ADCY8: variants seen among roughly 807,000 people sequenced by gnomAD.
ADCY8 encodes the protein adenylate cyclase type 8.
ADCY8 carries 51 observed loss-of-function variants against 119.7 expected under a neutral mutation model. That is an observed-to-expected ratio of 0.43 (90% CI 0.34 to 0.54). The LOEUF is 0.54. Ranked by LOEUF, ADCY8 falls within the 20% of genes least tolerant of loss-of-function variation. ADCY8 has a pLI of 0.03. For synonymous variants in ADCY8, 665 were observed against 651.0 expected (o/e 1.02, Z -0.33); for missense variants, 1,383 against 1,598.8 (o/e 0.87, Z 2.30).
At position 131,040,323 on chromosome 8, in the gene ADCY8, G is replaced by T; in HGVS notation, c.11C>A (p.Ser4Tyr). 1.3e-6 allele frequency: 2 copies of T among 1,528,348 alleles called. No homozygotes were observed. Among genetic ancestry groups the T allele is most frequent in the Non-Finnish European group, 8.8e-7 (1 of 1,142,160 alleles). 94.7% of individuals were successfully genotyped at this position (1,528,348 alleles called of 1,614,324 possible). A position where few individuals can be genotyped will look rare whatever the true frequency, so the allele number is the denominator to read the frequency against. MEL[S>Y]DVRCLTGSEE... ...GCTGCCTGTAAGGCAGCGCACATCG[G>T]AGAGCTCCATGGCTCTGGGCCGCAG... is the stretch of plus-strand genomic sequence containing the variant. Residue 4 changes from serine to tyrosine, a missense_variant, in exon 1 of 18, where the codon TCC (serine) becomes TAC (tyrosine). By Grantham distance (144) the Ser-to-Tyr change is moderately radical. This residue lies in a region of ADCY8 where 455 missense variants were observed against 435.3 expected (regional missense o/e 1.05). Coordinates refer to ENST00000286355, the MANE Select transcript of ADCY8 (RefSeq NM_001115.3).
rs1816354542 is a variant in ADCY8, at chr8:130,816,607, A to G, written c.2755-2380T>C. ...CGCCCAGCTAATTTTTTGTATTTTT[A>G]GTAGAGACAGGGTTTCACCGTGTTA... On this transcript the variant is annotated intron_variant, in intron 13 of 17. Transcript: ENST00000286355. Among the ~76,000 whole-genome samples, 5 of 151,686 alleles carry G rather than the reference A, an allele frequency of 3.3e-5. No homozygotes were observed. In the South Asian group the frequency reaches 1.0e-3, roughly 32 times the overall value.
At chr8:130,839,723 T>G (rs1817083959) in intron 11 of ADCY8, among the ~76,000 whole-genome samples, 1 of 140,270 alleles carries the variant, frequency 7.1e-6, no homozygotes, top group African/African-American at 2.4e-5. Context: ...CCACAGCTCC[T>G]AAAGTGTCCC....
Position 131,028,288 on chromosome 8 carries a change from T to C in ADCY8, c.960+11086A>G, listed in dbSNP as rs150499812. ...CAGCTTCTCTCTGGCTGAGATGGCT[T>C]GGGCAGGGCCCAAAGAGCTGCGTAT... On this transcript the variant is annotated intron_variant, in intron 1 of 17. Coordinates refer to ENST00000286355, the MANE Select transcript of ADCY8 (RefSeq NM_001115.3). 5.0e-3 allele frequency among the ~76,000 whole-genome samples: 759 copies of C among 152,370 alleles called. 7 individuals carry two copies. Among genetic ancestry groups the C allele is most frequent in the African/African-American group, 0.017 (715 of 41,594 alleles).
chr8:130,807,089 C>T (rs1051419305), intron 14 of ADCY8, among the ~76,000 whole-genome samples: 4 of 152,196 alleles, frequency 2.6e-5, no homozygotes, highest in Non-Finnish European at 5.9e-5. Flanking sequence ...TCTGGTTGGT[C>T]GAAGGTATGG....
chr8:130,927,378 G>T (rs1030493231), intron 5 of ADCY8, among the ~76,000 whole-genome samples: 1 of 152,050 alleles, frequency 6.6e-6, no homozygotes, highest in Non-Finnish European at 1.5e-5. Flanking sequence ...ATACCTGTTG[G>T]CTTGTATACC....
chr8:131,020,833 T>C (rs1013341822), intron 1 of ADCY8, among the ~76,000 whole-genome samples: 15 of 152,192 alleles, frequency 9.9e-5, no homozygotes, highest in African/African-American at 3.4e-4. Context: ...AAGGTATCAG[T>C]TTCTTCCCTT....
chr8:131,013,653 G>A (rs1586656353), intron 1 of ADCY8, among the ~76,000 whole-genome samples: 1 of 152,288 alleles, frequency 6.6e-6, no homozygotes, highest in East Asian at 1.9e-4. Flanking sequence ...TTTGGTGTGA[G>A]CATGAAGGGT....
chr8:130,846,556 A>C (rs149347116), intron 11 of ADCY8, among the ~76,000 whole-genome samples: 3,189 of 92,252 alleles, frequency 0.035, 71 homozygotes, highest in Non-Finnish European at 0.045. Context: ...TCATTCCTTC[A>C]TTCCTTCCTT....
At chr8:130,933,199 C>T (rs1820685605) in intron 5 of ADCY8, among the ~76,000 whole-genome samples, 1 of 120,296 alleles carries the variant, frequency 8.3e-6, no homozygotes, top group Non-Finnish European at 1.7e-5. Context: ...CACCAGTAAA[C>T]AAATGTTATA....
chr8:130,822,559 C>T (rs187953223), intron 12 of ADCY8, among the ~76,000 whole-genome samples: 4 of 150,810 alleles, frequency 2.7e-5, no homozygotes, highest in African/African-American at 9.7e-5. Flanking sequence ...TCCATCCATC[C>T]ATCCATCCAT....
At chr8:130,981,545 G>A (rs909232056) in intron 2 of ADCY8, among the ~76,000 whole-genome samples, 1 of 152,136 alleles carries the variant, frequency 6.6e-6, no homozygotes, top group South Asian at 2.1e-4. Context: ...CCCCCACAGA[G>A]TTCTTCAGTG....
At chr8:131,020,901 GC>G (rs1823645292) in intron 1 of ADCY8, among the ~76,000 whole-genome samples, 1 of 152,088 alleles carries the variant, frequency 6.6e-6, no homozygotes, top group African/African-American at 2.4e-5. Flanking sequence ...TTTATTATGT[GC>G]TATAAATTAT....
intron 1 of ADCY8, among the ~76,000 whole-genome samples, chr8:131,025,779 C>G (rs1823804478): frequency 1.3e-5 from 2 of 152,228 alleles, no homozygotes; most frequent in African/African-American, 4.8e-5. Context: ...AGTGCAGGGT[C>G]AGCCCCTGAG....
At chr8:130,915,132 G>A (rs754389269) in intron 5 of ADCY8, among the ~76,000 whole-genome samples, 8 of 152,170 alleles carry the variant, frequency 5.3e-5, no homozygotes, top group South Asian at 2.1e-4. Context: ...AAAAACACAC[G>A]TAATTATCAT....
chr8:131,039,950 G>C lies in ADCY8; in HGVS notation c.384C>G (p.Gly128=). Residue 128 remains glycine, a synonymous_variant, in exon 1 of 18, where the codon GGC becomes GGG. Transcript: ENST00000286355. ...TAGGGGCACAGTCAAGGTGCAGGAA[G>C]CCCAGGTCGCCCCCGCCTCCGCTGC... The part of the protein sequence containing the change: ...ASGSGGGGDL[G]FLHLDCAPSN... 6.3e-7 allele frequency: 1 copy of C among 1,593,274 alleles called. No homozygotes were observed. The highest frequency in any genetic ancestry group is 8.5e-7 in the Non-Finnish European group (1 of 1,170,056).
At chr8:130,949,108 G>C (rs1821197566) in intron 3 of ADCY8, among the ~76,000 whole-genome samples, 1 of 152,058 alleles carries the variant, frequency 6.6e-6, no homozygotes, top group Non-Finnish European at 1.5e-5. Context: ...TTCTGGAAAA[G>C]GGTCTCCAGC....
intron 15 of ADCY8, among the ~76,000 whole-genome samples, chr8:130,793,505 C>T (rs1815487421): frequency 6.6e-6 from 1 of 152,184 alleles, no homozygotes; most frequent in Non-Finnish European, 1.5e-5. Flanking sequence ...GATTGTTCTT[C>T]ACCCACAATA....
intron 14 of ADCY8, 74 bp from the exon 15 acceptor site, chr8:130,800,646 AC>A: frequency 6.6e-7 from 1 of 1,506,346 alleles, no homozygotes; most frequent in Non-Finnish European, 9.2e-7. Flanking sequence ...TCCTGTGCAC[AC>A]ATGTGGGTAC....
At chr8:130,918,016 AT>A (rs1820182539) in intron 5 of ADCY8, among the ~76,000 whole-genome samples, 2 of 152,100 alleles carry the variant, frequency 1.3e-5, no homozygotes, top group African/African-American at 4.8e-5. Flanking sequence ...GGTTGGGGCC[AT>A]CGTTTCTTTT....
Sources: gnomAD v4.1 joint callset for allele counts (sites outside exome capture counted in the v4.1 genomes callset) on GRCh38, gnomAD v4.1.1 for gene constraint, gnomAD v4.1.1 regional missense constraint, MANE v1.5 for transcripts, NCBI Gene and HGNC (gene_info 2026-07-23, HGNC 2026-07-21) for gene names.